Variants in LRRC4C observed in about 807,000 individuals in gnomAD.
LRRC4C encodes the protein leucine rich repeat containing 4C, also known as leucine-rich repeat-containing protein 4C.
LRRC4C carries 5 observed loss-of-function variants against 33.6 expected under a neutral mutation model. That is an observed-to-expected ratio of 0.15 (90% confidence interval 0.08 to 0.31). The LOEUF (loss-of-function observed/expected upper bound fraction) is 0.31. LRRC4C is among the 10% of genes least tolerant of loss of function. LRRC4C has a pLI of 1.00. For synonymous variants in LRRC4C, 329 were observed against 302.0 expected (o/e 1.09, Z -0.93); for missense variants, 560 against 796.7 (o/e 0.70, Z 3.58).
intron 3 of LRRC4C, among the ~76,000 whole-genome samples, chr11:40,536,874 AT>A (rs1956497426): frequency 6.6e-6 from 1 of 152,088 alleles, no homozygotes; most frequent in African/African-American, 2.4e-5. Flanking sequence ...CATTGTCATC[AT>A]CATCCAGCAT....
At chr11:40,464,581 G>A (rs1952563917) in intron 3 of LRRC4C, among the ~76,000 whole-genome samples, 1 of 151,764 alleles carries the variant, frequency 6.6e-6, no homozygotes, top group South Asian at 2.1e-4. Flanking sequence ...AAAACTCTAA[G>A]GACTCCGACA....
At chr11:40,501,777 T>C (rs371225971) in intron 3 of LRRC4C, among the ~76,000 whole-genome samples, 14 of 152,298 alleles carry the variant, frequency 9.2e-5, no homozygotes, top group African/African-American at 3.4e-4. Context: ...GGAGACATTT[T>C]CCCCATTGTC....
At chr11:40,845,679 C>A (rs1347991693) in intron 2 of LRRC4C, among the ~76,000 whole-genome samples, 2 of 152,182 alleles carry the variant, frequency 1.3e-5, no homozygotes, top group African/African-American at 2.4e-5. Context: ...GATTTATAAT[C>A]CTTTGGGTAT....
chr11:40,780,941 A>C (rs1950188324), intron 2 of LRRC4C, among the ~76,000 whole-genome samples: 1 of 152,150 alleles, frequency 6.6e-6, no homozygotes, highest in African/African-American at 2.4e-5. Flanking sequence ...ATGAAAATGT[A>C]CATACATAAA....
intron 2 of LRRC4C, among the ~76,000 whole-genome samples, chr11:40,707,721 T>C (rs529669716): frequency 6.6e-6 from 1 of 152,322 alleles, no homozygotes; most frequent in South Asian, 2.1e-4. Flanking sequence ...GATGCTGGCC[T>C]CATAAAATGA....
chr11:40,554,528 T>C (rs1957254491), intron 3 of LRRC4C, among the ~76,000 whole-genome samples: 1 of 152,198 alleles, frequency 6.6e-6, no homozygotes, highest in Non-Finnish European at 1.5e-5. Flanking sequence ...ATAAATAGCA[T>C]TGAATCTGTA....
At chr11:40,678,068 C>T (rs944232228) in intron 2 of LRRC4C, among the ~76,000 whole-genome samples, 1 of 151,798 alleles carries the variant, frequency 6.6e-6, no homozygotes, top group African/African-American at 2.4e-5. Context: ...AGATGCAAAC[C>T]ACTATCTTGG....
intron 3 of LRRC4C, among the ~76,000 whole-genome samples, chr11:40,574,118 GA>G (rs1367662408): frequency 1.3e-5 from 2 of 152,100 alleles, no homozygotes; most frequent in Admixed American, 1.3e-4. Flanking sequence ...GAATGTGTTG[GA>G]AAAAAACTCT....
intron 3 of LRRC4C, among the ~76,000 whole-genome samples, chr11:40,521,009 TA>T (rs928653221): frequency 1.7e-4 from 25 of 151,024 alleles, no homozygotes; most frequent in East Asian, 1.4e-3. Context: ...ATCCATTGCT[TA>T]AAAAAAAAGC....
intron 2 of LRRC4C, among the ~76,000 whole-genome samples, chr11:40,654,104 G>C (rs572190750): frequency 2.6e-4 from 40 of 152,314 alleles, no homozygotes; most frequent in African/African-American, 7.5e-4. Context: ...CCAGAGACAA[G>C]TTTGCTGAGG....
intron 3 of LRRC4C, among the ~76,000 whole-genome samples, chr11:40,498,023 C>T (rs775385581): frequency 1.1e-4 from 17 of 152,182 alleles, no homozygotes; most frequent in South Asian, 2.1e-4. Flanking sequence ...TTATTTAAAT[C>T]GACTTACAAA....
intron 1 of LRRC4C, among the ~76,000 whole-genome samples, chr11:41,257,147 C>A (rs1948828067): frequency 6.6e-6 from 1 of 152,044 alleles, no homozygotes; most frequent in South Asian, 2.1e-4. Context: ...CTATCACACA[C>A]TGAGTATCCC....
At chr11:40,845,013 T>C (rs1459654940) in intron 2 of LRRC4C, among the ~76,000 whole-genome samples, 1 of 152,070 alleles carries the variant, frequency 6.6e-6, no homozygotes, top group Non-Finnish European at 1.5e-5. Context: ...AATGTATACA[T>C]ATTTTAAAAC....
chr11:40,116,104 A>T lies in LRRC4C; in HGVS notation c.189T>A (p.Val63=). 2 of 1,614,038 alleles carry T rather than the reference A, an allele frequency of 1.2e-6. No homozygotes were observed. The highest frequency in any genetic ancestry group is 1.7e-6 in the Non-Finnish European group (2 of 1,180,008). The stretch of plus-strand genomic sequence containing the variant: ...CCGGAACCTCACGCAGGTTTTTCCG[A>T]ACACAAATCACCTTGCTGAACTGGT... ...CSNQFSKVIC[V]RKNLREVPDG... is the part of the protein sequence containing the mutation. Residue 63 remains valine (V), a synonymous_variant, in exon 7 of 7, where the codon GTT becomes GTA. Coordinates refer to ENST00000528697, the MANE Select transcript of LRRC4C (RefSeq NM_001258419.2).
rs139186544 is a variant in LRRC4C, at chr11:41,054,308, C to A, written c.-495-120585G>T. On this transcript the variant is annotated intron_variant, in intron 1 of 6. Transcript: ENST00000528697. ...AAAATATTCAATTCAAACCGGTGAA[C>A]GTTCATTGGGCAACTTATAACTGCA... Among the ~76,000 whole-genome samples the A allele has an allele frequency of 4.5e-4, 69 of 152,140 alleles. No homozygotes were observed. In the East Asian group the frequency reaches 0.011, roughly 23 times the overall value.
chr11:40,909,857 C>T (rs1232384200), intron 2 of LRRC4C, among the ~76,000 whole-genome samples: 1 of 152,104 alleles, frequency 6.6e-6, no homozygotes, highest in Non-Finnish European at 1.5e-5. Context: ...CCTAAATTCA[C>T]AAAGGCATTG....
At chr11:41,419,753 A>G (rs1591477870) in intron 1 of LRRC4C, among the ~76,000 whole-genome samples, 1 of 152,076 alleles carries the variant, frequency 6.6e-6, no homozygotes. Flanking sequence ...TACCACATGC[A>G]AAAATGGAAA....
intron 1 of LRRC4C, among the ~76,000 whole-genome samples, chr11:41,417,805 A>G (rs995007296): frequency 6.6e-6 from 1 of 151,580 alleles, no homozygotes; most frequent in Non-Finnish European, 1.5e-5. Context: ...CCTGATGCTC[A>G]TTTTTCTGTA....
intron 1 of LRRC4C, among the ~76,000 whole-genome samples, chr11:40,936,632 G>A (rs995114785): frequency 2.0e-5 from 3 of 151,912 alleles, no homozygotes; most frequent in Non-Finnish European, 4.4e-5. Flanking sequence ...CACCGTGCCC[G>A]GCCAGTATCT....
Sources: gnomAD v4.1 joint callset for allele counts (sites outside exome capture counted in the v4.1 genomes callset) on GRCh38, gnomAD v4.1.1 for gene constraint, MANE v1.5 for transcripts, NCBI Gene and HGNC (gene_info 2026-07-23, HGNC 2026-07-21) for gene names.